TBXAS1: variants seen among roughly 807,000 people sequenced by gnomAD.
TBXAS1 encodes thromboxane A synthase 1.
A neutral mutation model predicts 60.7 loss-of-function variants in TBXAS1; 48 were observed. The ratio of observed to expected loss-of-function variants is 0.79; its 90% confidence interval spans 0.63 to 1.01. The LOEUF is 1.01. Among genes scored for constraint, TBXAS1 ranks in the 50% least tolerant of loss-of-function variants. The pLI, the probability that TBXAS1 is intolerant of heterozygous loss-of-function variation, is 0.00. For synonymous variants in TBXAS1, 287 were observed against 269.7 expected (o/e 1.06, Z -0.63); for missense variants, 685 against 686.3 (o/e 1.00, Z 0.02).
At chr7:139,914,241 C>T (rs1027926905) in intron 4 of TBXAS1, among the ~76,000 whole-genome samples, 4 of 151,874 alleles carry the variant, frequency 2.6e-5, no homozygotes, top group Non-Finnish European at 1.5e-5. Flanking sequence ...CTTACTATGT[C>T]GCCAAGGTTA....
intron 3 of TBXAS1, among the ~76,000 whole-genome samples, chr7:139,906,774 G>A (rs544277616): frequency 6.6e-6 from 1 of 152,096 alleles, no homozygotes; most frequent in African/African-American, 2.4e-5. Context: ...TCTCCACTTA[G>A]TTCTTCTTTT....
chr7:139,820,242 C>T (rs1240376200), intron 4 of TBXAS1, among the ~76,000 whole-genome samples: 5 of 152,174 alleles, frequency 3.3e-5, no homozygotes, highest in Middle Eastern at 3.4e-3. Context: ...AACATGTAGC[C>T]GCATCCAGCC....
At chr7:139,907,841 T>C (rs1805226569) in intron 3 of TBXAS1, among the ~76,000 whole-genome samples, 2 of 152,098 alleles carry the variant, frequency 1.3e-5, no homozygotes, top group South Asian at 4.1e-4. Flanking sequence ...AGTTTTGTGG[T>C]TGTAAGATTA....
In TBXAS1 at chr7:139,920,406, C is replaced by G. The variant is rs1806366453; in HGVS notation, c.333+9085C>G. ...TCCTGCCTCTTTTAGAAATGGGAAA[C>G]AAAGGGCCCATAGGCCCTAAAAGGG... On this transcript the variant is annotated intron_variant, in intron 4 of 12. Coordinates refer to ENST00000448866, the MANE Select transcript of TBXAS1 (RefSeq NM_001061.7). Among the ~76,000 whole-genome samples the G allele has an allele frequency of 3.9e-5, 6 of 152,212 alleles. No individual in the cohort carries two copies. In the South Asian group the frequency reaches 1.2e-3, roughly 31 times the overall value.
intron 1 of TBXAS1, among the ~76,000 whole-genome samples, chr7:139,867,778 C>A (rs1484619844): frequency 6.6e-6 from 1 of 151,946 alleles, no homozygotes; most frequent in Non-Finnish European, 1.5e-5. Flanking sequence ...GATTGTGCCA[C>A]TGCACTCCAG....
Position 139,936,291 on chromosome 7 carries a change from C to T in TBXAS1, c.434C>T (p.Pro145Leu), listed in dbSNP as rs1807779119. 3 of 1,613,978 alleles carry T rather than the reference C, an allele frequency of 1.9e-6. No homozygotes were observed. The highest frequency in any genetic ancestry group is 1.6e-4 in the Middle Eastern group (1 of 6,082). ...GGTGCCCTGATGTCTGCTTTCAGTC[C>T]TGAAAAGCTGAACGAGGTAAGACAT... is the stretch of plus-strand genomic sequence containing the variant. ...VRGALMSAFS[P>L]EKLNEMVPLI... The change falls in exon 5 of 13, where the codon CCT becomes CTT. Residue 145 changes from proline (P) to leucine (L), a missense_variant. Physicochemically the swap from Pro to Leu is moderately conservative, Grantham distance 98. Transcript: ENST00000448866.
At chr7:140,018,247 G>A (rs1815260434) in intron 12 of TBXAS1, among the ~76,000 whole-genome samples, 1 of 152,184 alleles carries the variant, frequency 6.6e-6, no homozygotes, top group African/African-American at 2.4e-5. Flanking sequence ...GGGGTGCATG[G>A]CTTGTCCTAC....
chr7:139,959,406 A>G (rs1810145947), intron 8 of TBXAS1, among the ~76,000 whole-genome samples: 1 of 152,206 alleles, frequency 6.6e-6, no homozygotes, highest in Admixed American at 6.5e-5. Flanking sequence ...AGACACCTAC[A>G]TCTATCAGGG....
At chr7:139,830,935 A>G (rs1337939877) in intron 1 of TBXAS1, among the ~76,000 whole-genome samples, 1 of 151,882 alleles carries the variant, frequency 6.6e-6, no homozygotes, top group Non-Finnish European at 1.5e-5. Flanking sequence ...AGTGCCTGCC[A>G]TGTAGGAACA....
chr7:139,859,417 A>C (rs1166491809), intron 1 of TBXAS1, among the ~76,000 whole-genome samples: 1 of 148,496 alleles, frequency 6.7e-6, no homozygotes, highest in Admixed American at 6.7e-5. Flanking sequence ...TGTGTTAGCC[A>C]GGATGGTCTC....
chr7:139,906,837 T>C (rs966449560), intron 3 of TBXAS1, among the ~76,000 whole-genome samples: 2 of 152,248 alleles, frequency 1.3e-5, no homozygotes, highest in Admixed American at 1.3e-4. Flanking sequence ...GGTTTACACA[T>C]GTTCATTGTT....
At chr7:139,883,812 A>T in intron 3 of TBXAS1, among the ~76,000 whole-genome samples, 1 of 152,240 alleles carries the variant, frequency 6.6e-6, no homozygotes, top group East Asian at 1.9e-4. Context: ...CATTTGAAAT[A>T]AAAGTTTTAC....
At chr7:139,901,968 G>C (rs1804614857) in intron 3 of TBXAS1, among the ~76,000 whole-genome samples, 1 of 151,904 alleles carries the variant, frequency 6.6e-6, no homozygotes. Flanking sequence ...TAGATGGACA[G>C]GAAGTTGAAA....
rs1569515815 is a variant in TBXAS1 at position 139,936,217 on chromosome 7, A to C, written c.360A>C (p.Val120=). The C allele has an allele frequency of 6.2e-7, 1 of 1,614,222 alleles. No individual in the cohort carries two copies. Among genetic ancestry groups the C allele is most frequent in the Admixed American group, 1.7e-5 (1 of 60,034 alleles). Residue 120 remains valine, a synonymous_variant, in exon 5 of 13, where the codon GTA becomes GTC. Coordinates refer to ENST00000448866, the MANE Select transcript of TBXAS1 (RefSeq NM_001061.7). ...CGTCGGGTTTGGAGTTCAAGTCGGTAGCCGACAGCGTTCTGTTTTTACGTG... is the reference window on the plus strand; with the variant it reads ...CGTCGGGTTTGGAGTTCAAGTCGGTCGCCGACAGCGTTCTGTTTTTACGTG... ...RMASGLEFKS[V]ADSVLFLRDK... is the part of the protein sequence containing the mutation.
At chr7:139,927,031 G>C (rs560174262) in intron 4 of TBXAS1, among the ~76,000 whole-genome samples, 1 of 151,926 alleles carries the variant, frequency 6.6e-6, no homozygotes, top group South Asian at 2.1e-4. Context: ...GTCTCACTCT[G>C]TCACCCAGAC....
At chr7:139,818,286 G>A (rs1032119672) in intron 4 of TBXAS1, among the ~76,000 whole-genome samples, 2 of 152,190 alleles carry the variant, frequency 1.3e-5, no homozygotes, top group African/African-American at 4.8e-5. Context: ...CACAGGGCCT[G>A]TTGTAACTCA....
intron 4 of TBXAS1, among the ~76,000 whole-genome samples, chr7:139,812,105 T>C (rs923481244): frequency 4.6e-5 from 7 of 152,232 alleles, no homozygotes; most frequent in Admixed American, 4.6e-4. Context: ...TGTTTAGTTC[T>C]TATTGCCGTC....
At chr7:139,832,412 G>GAA (rs35098819) in intron 1 of TBXAS1, among the ~76,000 whole-genome samples, 9 of 151,270 alleles carry the variant, frequency 5.9e-5, no homozygotes, top group South Asian at 2.1e-4. Flanking sequence ...CAAAGACAAA[G>GAA]AAAAAAAATA....
intron 4 of TBXAS1, among the ~76,000 whole-genome samples, chr7:139,800,924 T>G (rs1466098562): frequency 6.6e-6 from 1 of 152,230 alleles, no homozygotes; most frequent in East Asian, 1.9e-4. Flanking sequence ...ACAAAATAGT[T>G]TATAGCTAAC....
Sources: allele counts gnomAD v4.1 joint callset (sites outside exome capture counted in the v4.1 genomes callset), GRCh38; gene constraint gnomAD v4.1.1; transcripts MANE v1.5; gene names NCBI Gene and HGNC (gene_info 2026-07-23, HGNC 2026-07-21).